Variants in DLGAP2 observed in about 807,000 individuals in gnomAD.
DLGAP2 encodes the protein DLG associated protein 2.
A neutral mutation model predicts 100.3 loss-of-function variants in DLGAP2; 26 were observed. The observed-to-expected ratio is 0.26, with a 90% CI of 0.19 to 0.36. The LOEUF (loss-of-function observed/expected upper bound fraction) is 0.36. Ranked by LOEUF, DLGAP2 falls within the 10% of genes least tolerant of loss-of-function variation. DLGAP2 has a pLI of 1.00. For synonymous variants in DLGAP2, 886 were observed against 630.1 expected (o/e 1.41, Z -6.08); for missense variants, 1,858 against 1,453.2 (o/e 1.28, Z -4.53).
At chr8:911,819 A>G (rs1798491487) in intron 2 of DLGAP2, among the ~76,000 whole-genome samples, 2 of 152,240 alleles carry the variant, frequency 1.3e-5, no homozygotes, top group African/African-American at 2.4e-5. Context: ...ATGCTGGAGA[A>G]CACATCAGAA....
chr8:1,626,883 G>A lies in DLGAP2; in HGVS notation c.1586G>A (p.Ser529Asn), dbSNP rs2130770150. Reference sequence around the variant, plus strand: ...ACCCTGAGCCAGGCCAGCTGCGTGAGCCAGGTCAGGGTCCCTTCGCCCTTT... The same window carrying A: ...ACCCTGAGCCAGGCCAGCTGCGTGAACCAGGTCAGGGTCCCTTCGCCCTTT... ...VSTLSQASCV[S>N]QVSEAEINGQ... The change falls in exon 7 of 15, where the codon AGC becomes AAC. Residue 529 changes from serine (S) to asparagine (N), a missense_variant. Coordinates refer to ENST00000637795, the MANE Select transcript of DLGAP2 (RefSeq NM_001346810.2). 2 of 1,597,952 alleles carry A rather than the reference G, an allele frequency of 1.3e-6. No homozygotes were observed. The highest frequency in any genetic ancestry group is 1.7e-6 in the Non-Finnish European group (2 of 1,172,594).
intron 2 of DLGAP2, among the ~76,000 whole-genome samples, chr8:1,201,350 A>G (rs1253199395): frequency 2.6e-5 from 4 of 152,150 alleles, no homozygotes; most frequent in Non-Finnish European, 5.9e-5. Context: ...GCTCCCGCTC[A>G]GGGGCCGTGG....
intron 2 of DLGAP2, chr8:927,129 T>C (rs1798833560): frequency 1.2e-5 from 12 of 985,228 alleles, no homozygotes; most frequent in East Asian, 1.1e-4. Flanking sequence ...AACTAATCGA[T>C]TGTAATTACA....
At chr8:1,514,707 C>T (rs1369604065) in intron 4 of DLGAP2, among the ~76,000 whole-genome samples, 3 of 152,202 alleles carry the variant, frequency 2.0e-5, no homozygotes, top group Non-Finnish European at 2.9e-5. Context: ...CGTGACAGAA[C>T]GAGTCCCACA....
At chr8:1,077,303 G>A (rs1184776505) in intron 2 of DLGAP2, among the ~76,000 whole-genome samples, 4 of 152,172 alleles carry the variant, frequency 2.6e-5, no homozygotes, top group Non-Finnish European at 5.9e-5. Context: ...GAGGTCCTGG[G>A]CTAGGGCTTC....
intron 2 of DLGAP2, among the ~76,000 whole-genome samples, chr8:1,039,433 C>T (rs1208344725): frequency 6.8e-5 from 10 of 147,710 alleles, no homozygotes; most frequent in Admixed American, 1.4e-4. Context: ...TTTCTGTAGT[C>T]GGCTCGGTGT....
chr8:1,594,608 C>G (rs2130683295), intron 6 of DLGAP2, among the ~76,000 whole-genome samples: 1 of 152,054 alleles, frequency 6.6e-6, no homozygotes, highest in South Asian at 2.1e-4. Flanking sequence ...AATCACCAAA[C>G]AGATGGGGTT....
chr8:817,786 G>A (rs7815691), intron 1 of DLGAP2, among the ~76,000 whole-genome samples: 35,813 of 152,116 alleles, frequency 0.24, 4,489 homozygotes, highest in Middle Eastern at 0.35. Context: ...TGGTGCTGGG[G>A]GTGTCTGCAG....
chr8:1,571,712 G>A (rs1207977775), intron 6 of DLGAP2, among the ~76,000 whole-genome samples: 6 of 134,988 alleles, frequency 4.4e-5, no homozygotes, highest in Non-Finnish European at 4.8e-5. Context: ...GAGAGAGGGT[G>A]AACTGTGGGG....
intron 1 of DLGAP2, among the ~76,000 whole-genome samples, chr8:743,693 A>T (rs1820543829): frequency 6.6e-6 from 1 of 152,138 alleles, no homozygotes; most frequent in South Asian, 2.1e-4. Context: ...CCTCCCGAGT[A>T]GCTGGGACTA....
At position 1,678,894 on chromosome 8, in the gene DLGAP2, T is replaced by G. The variant is rs1798877077; in HGVS notation, c.2704+265T>G. 3 of 402,234 alleles carry G rather than the reference T, an allele frequency of 7.5e-6. No homozygotes were observed. The South Asian group carries it at 2.9e-4, about 39-fold the overall frequency. 24.9% of individuals were successfully genotyped at this position (402,234 alleles called of 1,614,324 possible). The stretch of plus-strand genomic sequence containing the variant: ...AAATCAACTGTGCTAACAGTTTTCT[T>G]GGGAGCATAGTTGATCTCATATTCC... On this transcript the variant is annotated intron_variant, in intron 12 of 14. Transcript: ENST00000637795.
At chr8:961,992 C>T (rs1368381453) in intron 2 of DLGAP2, among the ~76,000 whole-genome samples, 1 of 152,152 alleles carries the variant, frequency 6.6e-6, no homozygotes, top group Non-Finnish European at 1.5e-5. Context: ...TGGCCATCCA[C>T]ACAGAGATTT....
intron 1 of DLGAP2, among the ~76,000 whole-genome samples, chr8:751,776 T>G (rs74366719): frequency 3.3e-5 from 5 of 151,540 alleles, no homozygotes; most frequent in African/African-American, 4.9e-5. Flanking sequence ...GTCCTTATAG[T>G]AAGTTCATCT....
chr8:1,599,482 G>T (rs568339694), intron 6 of DLGAP2, among the ~76,000 whole-genome samples: 68 of 152,244 alleles, frequency 4.5e-4, no homozygotes, highest in African/African-American at 1.6e-3. Flanking sequence ...CATTATTATT[G>T]TATGGGAGTC....
intron 3 of DLGAP2, among the ~76,000 whole-genome samples, chr8:1,264,321 G>A (rs1016913233): frequency 9.9e-5 from 15 of 152,220 alleles, no homozygotes; most frequent in Middle Eastern, 3.4e-3. Context: ...TCAGGTAGGG[G>A]TGGTGGAAAC....
chr8:1,236,949 C>T (rs1352319505), intron 2 of DLGAP2, among the ~76,000 whole-genome samples: 18 of 139,478 alleles, frequency 1.3e-4, no homozygotes, highest in African/African-American at 3.4e-4. Context: ...CACATGGCGC[C>T]GTGTCTAGTT....
At position 1,493,168 on chromosome 8, in the gene DLGAP2, G is replaced by A. The variant is rs75904916; in HGVS notation, c.107-8198G>A. Among the ~76,000 whole-genome samples the A allele has an allele frequency of 4.9e-3, 751 of 152,350 alleles. 6 individuals are homozygous for A. Among genetic ancestry groups the A allele is most frequent in the African/African-American group, 0.017 (712 of 41,568 alleles). ...TGTAGCAAGAACTCGGGGAGAAGAG[G>A]CAGTGCCCTAGGAACCCAGATGGCT... On this transcript the variant is annotated intron_variant, in intron 3 of 14. Coordinates refer to ENST00000637795, the MANE Select transcript of DLGAP2 (RefSeq NM_001346810.2).
intron 4 of DLGAP2, among the ~76,000 whole-genome samples, chr8:1,545,526 G>A (rs530847491): frequency 3.7e-4 from 56 of 152,208 alleles, no homozygotes; most frequent in East Asian, 1.2e-3. Context: ...GATGCTTTCC[G>A]CATTTTGTGT....
intron 1 of DLGAP2, among the ~76,000 whole-genome samples, chr8:826,482 T>C (rs889780792): frequency 6.6e-6 from 1 of 152,216 alleles, no homozygotes; most frequent in African/African-American, 2.4e-5. Flanking sequence ...AGGTCAGCGA[T>C]GTGAGACTTT....
Sources: allele counts gnomAD v4.1 joint callset (sites outside exome capture counted in the v4.1 genomes callset), GRCh38; gene constraint gnomAD v4.1.1; transcripts MANE v1.5; gene names NCBI Gene and HGNC (gene_info 2026-07-23, HGNC 2026-07-21).